The following IL18BP variants were observed in gnomAD, a reference collection of about 807,000 sequenced individuals.
The protein encoded by IL18BP is interleukin-18-binding protein.
In IL18BP, 23 loss-of-function variants were observed where a neutral mutation model predicts 19.9. The ratio of observed to expected loss-of-function variants is 1.15; its 90% CI spans 0.83 to 1.64. The LOEUF (loss-of-function observed/expected upper bound fraction) is 1.64. IL18BP is among the 40% of genes most tolerant of loss of function. The pLI, the probability that IL18BP is intolerant of heterozygous loss-of-function variation, is 0.00. For missense variants in IL18BP, 239 were observed against 240.7 expected, an observed-to-expected ratio of 0.99 and a Z score of 0.05; for synonymous variants, 107 against 101.0, an observed-to-expected ratio of 1.06 and a Z score of -0.35.
rs1554996308 is a variant in IL18BP at position 72,001,811 on chromosome 11, A to G, written c.535A>G (p.Thr179Ala). 6.2e-7 allele frequency: 1 copy of G among 1,613,660 alleles called. No individual in the cohort carries two copies. The highest frequency in any genetic ancestry group is 2.2e-5 in the East Asian group (1 of 44,856). Residue 179 changes from threonine to alanine, a missense_variant, in exon 6 of 6, where the codon ACC (threonine) becomes GCC (alanine). Thr to Ala is a moderately conservative substitution (Grantham distance 58, BLOSUM62 0). Coordinates refer to ENST00000393703, the MANE Select transcript of IL18BP (RefSeq NM_001039660.2). ...TGGGCTGAGGGCAACCTTGCCCCCCACCCAAGAAGCCCTGCCCTCCAGCCA... is the reference window on the plus strand; with the variant it reads ...TGGGCTGAGGGCAACCTTGCCCCCCGCCCAAGAAGCCCTGCCCTCCAGCCA... Reference protein sequence around the residue: ...WAGLRATLPPTQEALPSSHSS... With the variant: ...WAGLRATLPPAQEALPSSHSS...
At chr11:72,008,105 T>TG (rs1267063419), downstream of IL18BP, 3 of 479,066 alleles carry the variant, frequency 6.3e-6, no homozygotes, top group African/African-American at 5.9e-5. Flanking sequence ...AGAGGGTTGT[T>TG]GGGGGACAAA....
At chr11:72,004,150 C>T (rs756720885), downstream of IL18BP, 1 of 1,610,500 alleles carries the variant, frequency 6.2e-7, no homozygotes, top group Non-Finnish European at 8.5e-7. Flanking sequence ...CTTCCCAGGC[C>T]AGCGTGCTGT....
At chr11:72,007,276 G>A (rs142782100), downstream of IL18BP, 14 of 1,613,168 alleles carry the variant, frequency 8.7e-6, no homozygotes, top group African/African-American at 4.0e-5. Flanking sequence ...CGTCTCCCAG[G>A]GAGTCCAGGC....
downstream of IL18BP, chr11:72,003,619 C>T: frequency 6.5e-7 from 1 of 1,549,926 alleles, no homozygotes. Flanking sequence ...TCTCTTCCTG[C>T]TCCCACGCCC....
intron 5 of IL18BP, 63 bp downstream of exon 5, chr11:72,001,615 A>C (rs546735159): frequency 3.2e-5 from 51 of 1,589,776 alleles, no homozygotes; most frequent in Non-Finnish European, 4.3e-5. Context: ...TGTGGGGAGG[A>C]AAGGGTGGGC....
chr11:72,001,781 T>G lies in IL18BP; in HGVS notation c.508-3T>G, dbSNP rs749696736. 1.9e-6 allele frequency: 3 copies of G among 1,614,074 alleles called. No homozygotes were observed. The South Asian group carries it at 3.3e-5, about 18-fold the overall frequency. On this transcript the variant is annotated splice_polypyrimidine_tract_variant and splice_region_variant and intron_variant, in intron 5 of 5. Transcript: ENST00000393703. The stretch of plus-strand genomic sequence containing the variant: ...TGATCCTTGTCTGCCTTCACTTCCC[T>G]AGGCTGGGCTGAGGGCAACCTTGCC...
chr11:72,000,466 G>T lies in IL18BP; in HGVS notation c.144G>T (p.Lys48Asn), dbSNP rs773749096. The change falls in exon 3 of 6, where the codon AAG becomes AAT. Residue 48 changes from lysine (K) to asparagine (N), a missense_variant. Lys to Asn is a moderately conservative substitution (Grantham distance 94, BLOSUM62 0). Transcript: ENST00000393703. ...CCACTGCCTCAGTTAGAAGCACAAA[G>T]GACCCCTGCCCCTCCCAGCCCCCAG... ...TAATASVRST[K>N]DPCPSQPPVF... 1.2e-6 allele frequency: 2 copies of T among 1,614,074 alleles called. No individual in the cohort carries two copies. The highest frequency in any genetic ancestry group is 1.1e-5 in the South Asian group (1 of 91,088).
downstream of IL18BP, chr11:72,004,854 G>A (rs1390146465): frequency 6.6e-7 from 1 of 1,518,878 alleles, no homozygotes; most frequent in Non-Finnish European, 8.8e-7. Flanking sequence ...GACCATAGCT[G>A]TATGGAGATG....
intron 1 of IL18BP, chr11:71,999,417 A>G (rs1215340801): frequency 4.1e-6 from 1 of 244,054 alleles, no homozygotes; most frequent in Non-Finnish European, 8.3e-6. Flanking sequence ...TGGGGGTGGC[A>G]TGGGGGTAGA....
At chr11:72,007,630 C>G (rs1304041781), downstream of IL18BP, 6 of 666,036 alleles carry the variant, frequency 9.0e-6, no homozygotes, top group South Asian at 1.7e-5. Context: ...CTGGCTTCTC[C>G]TAATAGCTCC....
downstream of IL18BP, chr11:72,005,352 T>C: frequency 5.6e-6 from 9 of 1,607,624 alleles, no homozygotes; most frequent in African/African-American, 4.0e-5. Flanking sequence ...CAAGTGCCCA[T>C]GTAGAAGCTG....
At chr11:72,007,981 A>G (rs1168267440), downstream of IL18BP, 14 of 394,658 alleles carry the variant, frequency 3.5e-5, no homozygotes, top group Non-Finnish European at 5.0e-6. Context: ...CCAAGAACTC[A>G]GGCCAGGCTG....
intron 1 of IL18BP, 76 bp from the exon 2 acceptor site, chr11:71,999,851 C>T: frequency 1.3e-6 from 1 of 789,696 alleles, no homozygotes; most frequent in Non-Finnish European, 2.1e-6. Flanking sequence ...GGAGGAGAAG[C>T]CAGCTACTGA....
chr11:72,007,170 C>G (rs915397727), downstream of IL18BP: 1 of 1,603,984 alleles, frequency 6.2e-7, no homozygotes, highest in Non-Finnish European at 8.5e-7. Context: ...CCCTGCAGCC[C>G]CTGTCCCAGC....
chr11:72,007,445 G>A (rs1207226713), downstream of IL18BP: 1 of 1,612,628 alleles, frequency 6.2e-7, no homozygotes, highest in African/African-American at 1.3e-5. Flanking sequence ...GCTATGGAAA[G>A]GAAACCTGCT....
chr11:72,006,044 C>T (rs749435174), downstream of IL18BP: 3 of 1,611,186 alleles, frequency 1.9e-6, no homozygotes, highest in South Asian at 3.3e-5. Context: ...CCTGGAGGGG[C>T]CCCACTGGAC....
rs1180807734 is a variant in IL18BP at position 72,001,542 on chromosome 11, C to G, written c.497C>G (p.Ala166Gly). Reference sequence around the variant, plus strand: ...GTTGTCCAGCGTCACGTCGTCCTGGCCCAGCTCTGGGTGAGGAGCCCAAGG... The same window carrying G: ...GTTGTCCAGCGTCACGTCGTCCTGGGCCAGCTCTGGGTGAGGAGCCCAAGG... ...EQVVQRHVVL[A>G]QLWAGLRATL... Residue 166 changes from alanine (A) to glycine (G), a missense_variant, in exon 5 of 6, where the codon GCC becomes GGC. Coordinates refer to ENST00000393703, the MANE Select transcript of IL18BP (RefSeq NM_001039660.2). The G allele has an allele frequency of 6.2e-7, 1 of 1,612,142 alleles. No individual in the cohort carries two copies. The highest frequency in any genetic ancestry group is 8.5e-7 in the Non-Finnish European group (1 of 1,179,152).
At chr11:72,006,686 C>T (rs545800460), downstream of IL18BP, among the ~76,000 whole-genome samples, 66 of 152,326 alleles carry the variant, frequency 4.3e-4, no homozygotes, top group Non-Finnish European at 8.1e-4. Context: ...TTCCAGGGCC[C>T]TTACCATGTT....
rs369361776 is a variant in IL18BP at position 71,999,911 on chromosome 11, C to T, written c.-58-16C>T. On this transcript the variant is annotated splice_polypyrimidine_tract_variant and intron_variant, in intron 1 of 5. Transcript: ENST00000393703. ...GCGGGAGTGGTTTACCATTCTCCTC[C>T]CCCACCTTTCACCAGAGAAGAGGAC... is the stretch of plus-strand genomic sequence containing the variant. 2.3e-4 allele frequency: 357 copies of T among 1,521,178 alleles called. No homozygotes were observed. The highest frequency in any genetic ancestry group is 3.1e-4 in the Non-Finnish European group (338 of 1,102,250). 94.2% of individuals were successfully genotyped at this position (1,521,178 alleles called of 1,614,324 possible). A position where few individuals can be genotyped will look rare whatever the true frequency, so the allele number is the denominator to read the frequency against.
Sources: allele counts gnomAD v4.1 joint callset (sites outside exome capture counted in the v4.1 genomes callset), GRCh38; gene constraint gnomAD v4.1.1; transcripts MANE v1.5; gene names NCBI Gene and HGNC (gene_info 2026-07-23, HGNC 2026-07-21).